The following TENM2 variants were observed in gnomAD, a reference collection of about 807,000 sequenced individuals.
The protein encoded by TENM2 is teneurin-2.
Under a neutral mutation model 245.2 loss-of-function variants are expected in TENM2, and 52 were observed. The observed-to-expected ratio is 0.21, with a 90% confidence interval of 0.17 to 0.27. TENM2 has a LOEUF of 0.27. TENM2 is among the 10% of genes least tolerant of loss of function. TENM2 has a pLI of 1.00. For missense variants in TENM2, 3,046 were observed against 3,666.8 expected, an observed-to-expected ratio of 0.83 and a Z score of 4.37; for synonymous variants, 1,363 against 1,438.9, an observed-to-expected ratio of 0.95 and a Z score of 1.19.
the TENM2 span, among the ~76,000 whole-genome samples, chr5:167,205,183 C>T: frequency 3.4e-4 from 52 of 152,254 alleles, 1 homozygote; most frequent in East Asian, 9.5e-3. Context: ...GAGTTTGAGA[C>T]CAGCCTGGTC....
At chr5:168,094,612 A>C (rs1405371666) in intron 8 of TENM2, among the ~76,000 whole-genome samples, 1 of 151,794 alleles carries the variant, frequency 6.6e-6, no homozygotes, top group Admixed American at 6.6e-5. Context: ...ATTCACCATA[A>C]TGTCAAATCA....
chr5:168,013,537 G>A (rs1306216067), intron 5 of TENM2, among the ~76,000 whole-genome samples: 1 of 152,192 alleles, frequency 6.6e-6, no homozygotes, highest in Non-Finnish European at 1.5e-5. Flanking sequence ...CCAGTAAGCA[G>A]AGACTGCAGT....
At chr5:167,062,454 G>T in the TENM2 span, among the ~76,000 whole-genome samples, 30,170 of 151,028 alleles carry the variant, frequency 0.2, 4,160 homozygotes, top group East Asian at 0.4. Context: ...ACTCAGGTTG[G>T]ATTTTAAATG....
intron 2 of TENM2, among the ~76,000 whole-genome samples, chr5:167,382,064 G>T (rs1761124321): frequency 6.6e-6 from 1 of 152,020 alleles, no homozygotes; most frequent in Admixed American, 6.6e-5. Context: ...GAAAAATTAA[G>T]GTCAGAGTAT....
chr5:167,308,782 G>C (rs1338585543), intron 1 of TENM2, among the ~76,000 whole-genome samples: 1 of 152,158 alleles, frequency 6.6e-6, no homozygotes, highest in Non-Finnish European at 1.5e-5. Flanking sequence ...AATGAAGTCT[G>C]CCAAGGATTA....
At chr5:167,298,419 C>T (rs184781994) in intron 1 of TENM2, among the ~76,000 whole-genome samples, 10 of 152,216 alleles carry the variant, frequency 6.6e-5, no homozygotes, top group East Asian at 1.9e-4. Flanking sequence ...CTGGCTAACA[C>T]GGTGAAACCC....
intron 2 of TENM2, among the ~76,000 whole-genome samples, chr5:167,507,325 A>G (rs1769623349): frequency 6.6e-6 from 1 of 152,214 alleles, no homozygotes; most frequent in Non-Finnish European, 1.5e-5. Context: ...CTGTGGCACA[A>G]TTCATTAAAA....
intron 20 of TENM2, among the ~76,000 whole-genome samples, chr5:168,212,740 A>G (rs1762886375): frequency 6.6e-6 from 1 of 152,228 alleles, no homozygotes; most frequent in Non-Finnish European, 1.5e-5. Context: ...ATGAGTAGAA[A>G]TGCCCTGGAA....
chr5:167,466,653 G>A (rs900587160), intron 2 of TENM2, among the ~76,000 whole-genome samples: 3 of 152,084 alleles, frequency 2.0e-5, no homozygotes, highest in Admixed American at 6.6e-5. Context: ...ATTTATAAAT[G>A]TGTTGACATT....
intron 2 of TENM2, among the ~76,000 whole-genome samples, chr5:167,560,533 G>T (rs1466604187): frequency 6.6e-6 from 1 of 152,010 alleles, no homozygotes; most frequent in Non-Finnish European, 1.5e-5. Context: ...CTGGGTTTAG[G>T]CATATTTGAC....
chr5:168,175,925 C>T (rs1300461954), intron 13 of TENM2, among the ~76,000 whole-genome samples: 1 of 152,204 alleles, frequency 6.6e-6, no homozygotes, highest in African/African-American at 2.4e-5. Context: ...TGACGAGCAA[C>T]ACTAATATCA....
chr5:167,551,457 A>C (rs1210678855), intron 2 of TENM2, among the ~76,000 whole-genome samples: 1 of 152,172 alleles, frequency 6.6e-6, no homozygotes, highest in African/African-American at 2.4e-5. Flanking sequence ...ACATCTGTCA[A>C]CAGTAAACCA....
At chr5:168,038,511 T>C (rs1371061302) in intron 5 of TENM2, among the ~76,000 whole-genome samples, 3 of 152,192 alleles carry the variant, frequency 2.0e-5, no homozygotes, top group Non-Finnish European at 4.4e-5. Flanking sequence ...GAATCATAGT[T>C]CTTACCTCTA....
chr5:167,558,149 C>T (rs1773370344), intron 2 of TENM2, among the ~76,000 whole-genome samples: 1 of 152,164 alleles, frequency 6.6e-6, no homozygotes, highest in South Asian at 2.1e-4. Flanking sequence ...AGTGTGGCAT[C>T]AGGATGCTAG....
rs997850994 is a variant in TENM2 at position 167,330,628 on chromosome 5, A to G, written c.227-44570A>G. Among the ~76,000 whole-genome samples the G allele has an allele frequency of 9.9e-5, 15 of 152,238 alleles. No homozygotes were observed. In the South Asian group the frequency reaches 1.5e-3, roughly 15 times the overall value. Reference sequence around the variant, plus strand: ...ACCAAGTGTTTGGCAAGGAGATCCAATACCTAAAATGGTAGCTGAACTAGA... The same window carrying G: ...ACCAAGTGTTTGGCAAGGAGATCCAGTACCTAAAATGGTAGCTGAACTAGA... On this transcript the variant is annotated intron_variant, in intron 1 of 28. Transcript: ENST00000518659.
chr5:168,113,395 A>T (rs1197353031), intron 9 of TENM2, among the ~76,000 whole-genome samples: 2 of 152,206 alleles, frequency 1.3e-5, no homozygotes, highest in African/African-American at 4.8e-5. Context: ...TAAATACATT[A>T]TTTGAAATTC....
intron 5 of TENM2, among the ~76,000 whole-genome samples, chr5:168,034,458 G>A (rs1020584090): frequency 4.0e-5 from 6 of 151,806 alleles, no homozygotes; most frequent in South Asian, 2.1e-4. Flanking sequence ...AAGGCCAAGC[G>A]TGGTGGCTCA....
chr5:167,375,482 G>T lies in TENM2; in HGVS notation c.502+9G>T, dbSNP rs562338986. ...ATCAGATGATGAGAACGGTAGGCCTGCTTCTTAAATACCTTTTAACGTTCT... is the reference window on the plus strand; with the variant it reads ...ATCAGATGATGAGAACGGTAGGCCTTCTTCTTAAATACCTTTTAACGTTCT... On this transcript the variant is annotated intron_variant, in intron 2 of 28. Transcript: ENST00000518659. 17 of 1,551,110 alleles carry T rather than the reference G, an allele frequency of 1.1e-5. No individual in the cohort carries two copies. Among genetic ancestry groups the T allele is most frequent in the Non-Finnish European group, 1.7e-6 (2 of 1,146,832 alleles).
intron 2 of TENM2, among the ~76,000 whole-genome samples, chr5:167,379,425 C>A (rs1760960651): frequency 6.6e-6 from 1 of 152,088 alleles, no homozygotes; most frequent in South Asian, 2.1e-4. Context: ...ATTGTTACTG[C>A]CAACCAAGTT....
Sources: allele counts gnomAD v4.1 joint callset (sites outside exome capture counted in the v4.1 genomes callset), GRCh38; gene constraint gnomAD v4.1.1; transcripts MANE v1.5; gene names NCBI Gene and HGNC (gene_info 2026-07-23, HGNC 2026-07-21).